ALDH18A1: variants seen among roughly 807,000 people sequenced by gnomAD.
ALDH18A1 encodes delta-1-pyrroline-5-carboxylate synthase.
A neutral mutation model predicts 88.8 loss-of-function variants in ALDH18A1; 44 were observed. That is an observed-to-expected ratio of 0.50 (90% confidence interval 0.39 to 0.64). ALDH18A1 has a LOEUF of 0.64. Ranked by LOEUF, ALDH18A1 falls within the 30% of genes least tolerant of loss-of-function variation. The pLI is 0.00. For missense variants in ALDH18A1, 782 were observed against 1,009.5 expected, an observed-to-expected ratio of 0.77 and a Z score of 3.05; for synonymous variants, 331 against 372.1, an observed-to-expected ratio of 0.89 and a Z score of 1.27.
Position 95,617,968 on chromosome 10 carries a change from T to A in ALDH18A1, c.1468-1354A>T, listed in dbSNP as rs2097846679. Among the ~76,000 whole-genome samples the A allele has an allele frequency of 2.6e-5, 4 of 152,192 alleles. No individual in the cohort carries two copies. In the South Asian group the frequency reaches 8.3e-4, roughly 32 times the overall value. The stretch of plus-strand genomic sequence containing the variant: ...GGACTGAGGATAGGCCTCAGTGGTA[T>A]GGGAGTCCCTTGGTGAACACACTGG... On this transcript the variant is annotated intron_variant, in intron 12 of 17. Transcript: ENST00000371224.
At chr10:95,611,973 G>GA (rs36116345) in intron 15 of ALDH18A1, among the ~76,000 whole-genome samples, 57,060 of 148,282 alleles carry the variant, frequency 0.38, 12,419 homozygotes, top group Admixed American at 0.5. Flanking sequence ...CCGTCTCAAA[G>GA]AAAAAAAAAA....
rs182758188 is a variant in ALDH18A1 at position 95,610,398 on chromosome 10, G to A, written c.2111-106C>T. The A allele has an allele frequency of 1.8e-4, 181 of 1,011,328 alleles. 1 individual carries two copies. In the Middle Eastern group the frequency reaches 8.3e-3, roughly 46 times the overall value. The allele number at this position is 1,011,328 out of a possible 1,614,324, so 62.6% of individuals were successfully genotyped here. A position where few individuals can be genotyped will look rare whatever the true frequency, so the allele number is the denominator to read the frequency against. On this transcript the variant is annotated intron_variant, in intron 16 of 17. Transcript: ENST00000371224. ...TCAGGGCAGGGTCTGGGTCCCCACT[G>A]GGGCCTCTCCATGTGTTCTCACGTA... is the stretch of plus-strand genomic sequence containing the variant.
intron 2 of ALDH18A1, among the ~76,000 whole-genome samples, chr10:95,648,480 A>G (rs2097904804): frequency 6.6e-6 from 1 of 152,158 alleles, no homozygotes; most frequent in African/African-American, 2.4e-5. Flanking sequence ...TGAGTAATTT[A>G]CCAGCATTGC....
intron 11 of ALDH18A1, among the ~76,000 whole-genome samples, chr10:95,623,670 A>G (rs1199526315): frequency 1.3e-5 from 2 of 151,976 alleles, no homozygotes; most frequent in Non-Finnish European, 2.9e-5. Flanking sequence ...AGTTCAAGCG[A>G]TTCTCCTGCC....
intron 2 of ALDH18A1, among the ~76,000 whole-genome samples, chr10:95,651,754 C>A (rs1000590412): frequency 1.3e-5 from 2 of 152,224 alleles, no homozygotes; most frequent in Admixed American, 1.3e-4. Context: ...ACACCTCCCA[C>A]AGGCCCCACC....
At chr10:95,622,289 CG>C (rs1454373103) in intron 11 of ALDH18A1, among the ~76,000 whole-genome samples, 1 of 152,090 alleles carries the variant, frequency 6.6e-6, no homozygotes, top group East Asian at 1.9e-4. Flanking sequence ...CCTTGAACTC[CG>C]GGGCTCAAGT....
chr10:95,641,506 T>G (rs1589554271), intron 3 of ALDH18A1, among the ~76,000 whole-genome samples: 2 of 142,756 alleles, frequency 1.4e-5, no homozygotes, highest in Admixed American at 6.9e-5. Context: ...TTTGTTTTTT[T>G]TTTTCTGCAG....
chr10:95,640,930 A>G lies in ALDH18A1; in HGVS notation c.303+2062T>C, dbSNP rs117828354. Among the ~76,000 whole-genome samples the G allele has an allele frequency of 3.9e-5, 6 of 152,234 alleles. No homozygotes were observed. In the East Asian group the frequency reaches 1.2e-3, roughly 29 times the overall value. On this transcript the variant is annotated intron_variant, in intron 3 of 17. Coordinates refer to ENST00000371224, the MANE Select transcript of ALDH18A1 (RefSeq NM_002860.4). ...CCTAGTTGGCTTCAGAGCTCTGCCT[A>G]ATGGAATGATCCACTTTATTTTTCA...
chr10:95,617,249 A>G (rs1330399665), intron 12 of ALDH18A1, among the ~76,000 whole-genome samples: 1 of 152,224 alleles, frequency 6.6e-6, no homozygotes, highest in Non-Finnish European at 1.5e-5. Context: ...TCCGTCGCAA[A>G]CAAACAAATA....
At chr10:95,634,617 T>C (rs1223326130) in intron 5 of ALDH18A1, among the ~76,000 whole-genome samples, 1 of 152,126 alleles carries the variant, frequency 6.6e-6, no homozygotes, top group Non-Finnish European at 1.5e-5. Context: ...AAGTTAGTCT[T>C]TGGTCACAAG....
At chr10:95,610,388 G>T in intron 16 of ALDH18A1, 96 bp from the exon 17 acceptor site, 2 of 1,155,720 alleles carry the variant, frequency 1.7e-6, no homozygotes, top group Admixed American at 1.9e-5. Context: ...GCAGGGTCTG[G>T]GTCCCCACTG....
At chr10:95,630,644 G>A (rs1416140925) in intron 7 of ALDH18A1, among the ~76,000 whole-genome samples, 3 of 152,160 alleles carry the variant, frequency 2.0e-5, no homozygotes, top group Non-Finnish European at 2.9e-5. Flanking sequence ...CCAGGAGGCG[G>A]AGGTTGCAGT....
intron 2 of ALDH18A1, among the ~76,000 whole-genome samples, chr10:95,645,204 TA>T (rs1228227894): frequency 2.0e-5 from 3 of 152,132 alleles, no homozygotes; most frequent in African/African-American, 7.2e-5. Context: ...GTGGGTAACA[TA>T]GGTTCTCAGC....
intron 2 of ALDH18A1, among the ~76,000 whole-genome samples, chr10:95,647,604 ACT>A (rs2097903289): frequency 6.6e-6 from 1 of 152,172 alleles, no homozygotes; most frequent in African/African-American, 2.4e-5. Flanking sequence ...TCAAGGCAGG[ACT>A]CTAATTTGAT....
intron 11 of ALDH18A1, among the ~76,000 whole-genome samples, chr10:95,622,105 T>C (rs2097853638): frequency 6.6e-6 from 1 of 152,190 alleles, no homozygotes; most frequent in Non-Finnish European, 1.5e-5. Context: ...GAGTGAATTA[T>C]TTTTATAATC....
intron 17 of ALDH18A1, among the ~76,000 whole-genome samples, chr10:95,607,864 G>A (rs1173104683): frequency 6.6e-6 from 1 of 152,186 alleles, no homozygotes; most frequent in Non-Finnish European, 1.5e-5. Context: ...TGCAGGCAGA[G>A]AGAAGAGCAA....
chr10:95,631,341 A>C (rs979803660), intron 7 of ALDH18A1, among the ~76,000 whole-genome samples: 5 of 152,208 alleles, frequency 3.3e-5, no homozygotes, highest in African/African-American at 9.7e-5. Context: ...AAAACAAAAA[A>C]AATCCACAAT....
intron 11 of ALDH18A1, among the ~76,000 whole-genome samples, chr10:95,622,760 A>C (rs1224810073): frequency 6.6e-6 from 1 of 151,588 alleles, no homozygotes; most frequent in Non-Finnish European, 1.5e-5. Context: ...GATGGTCTCC[A>C]TCTCCTGACC....
chr10:95,643,678 G>T (rs1566040282), intron 2 of ALDH18A1, among the ~76,000 whole-genome samples: 1 of 151,854 alleles, frequency 6.6e-6, no homozygotes, highest in Non-Finnish European at 1.5e-5. Context: ...ACACATAGAT[G>T]GATAAAATTA....
Sources: gnomAD v4.1 joint callset for allele counts (sites outside exome capture counted in the v4.1 genomes callset) on GRCh38, gnomAD v4.1.1 for gene constraint, MANE v1.5 for transcripts, NCBI Gene and HGNC (gene_info 2026-07-23, HGNC 2026-07-21) for gene names.